OPN3: variants seen among roughly 807,000 people sequenced by gnomAD.
OPN3 encodes opsin 3.
A neutral mutation model predicts 33.8 loss-of-function variants in OPN3; 29 were observed. That is an observed-to-expected ratio of 0.86 (90% CI 0.64 to 1.17). OPN3 has a LOEUF of 1.17. Ranked by LOEUF, OPN3 falls within the 50% of genes most tolerant of loss-of-function variation. OPN3 has a pLI of 0.00. For missense variants in OPN3, 437 were observed against 514.1 expected (o/e 0.85, Z 1.45); for synonymous variants, 216 against 216.1 (o/e 1.00, Z 0.00).
At chr1:241,603,471 TG>T (rs1663733093) in intron 2 of OPN3, among the ~76,000 whole-genome samples, 1 of 147,846 alleles carries the variant, frequency 6.8e-6, no homozygotes, top group African/African-American at 2.6e-5. Flanking sequence ...AGATGTGTTT[TG>T]TTTTTTTTTT....
intron 1 of OPN3, among the ~76,000 whole-genome samples, chr1:241,616,612 A>T (rs1664137772): frequency 6.6e-6 from 1 of 152,068 alleles, no homozygotes; most frequent in Non-Finnish European, 1.5e-5. Flanking sequence ...GAATAGTACA[A>T]GGGATTATTA....
intron 3 of OPN3, among the ~76,000 whole-genome samples, chr1:241,597,333 T>C (rs985200929): frequency 6.6e-6 from 1 of 152,210 alleles, no homozygotes; most frequent in Non-Finnish European, 1.5e-5. Context: ...CTGAACTTAT[T>C]CATAACCCAT....
rs1378376365 is a variant in OPN3 at position 241,604,494 on chromosome 1, C to T, written c.459G>A (p.Trp153Ter). 1 of 1,614,060 alleles carries T rather than the reference C, an allele frequency of 6.2e-7. No homozygotes were observed. The highest frequency in any genetic ancestry group is 8.5e-7 in the Non-Finnish European group (1 of 1,180,010). ...AGATGTAGGTAATGGCCCTCCAGGC[C>T]CAGGAAAAATTGATCACTCTGGCAT... ...VVHARVINFS[W>*]AWRAITYIWL... The change falls in exon 2 of 4, where the codon TGG (tryptophan) becomes TGA (stop). Residue 153 changes from tryptophan (W) to a stop codon, truncating the protein, a stop_gained. Transcript: ENST00000366554. LOFTEE classifies it high-confidence loss of function.
chr1:241,617,022 TATA>T (rs1664150799), intron 1 of OPN3, among the ~76,000 whole-genome samples: 1 of 152,250 alleles, frequency 6.6e-6, no homozygotes, highest in African/African-American at 2.4e-5. Context: ...AATAATACAT[TATA>T]ATAACTTTAT....
At chr1:241,631,759 A>G (rs900801381) in intron 1 of OPN3, 2 of 152,074 alleles carry the variant, frequency 1.3e-5, no homozygotes, top group African/African-American at 4.8e-5. Context: ...TGTTTAGTTC[A>G]TCTTATCTTC....
intron 1 of OPN3, among the ~76,000 whole-genome samples, chr1:241,617,648 C>T (rs188817408): frequency 7.9e-5 from 12 of 152,258 alleles, no homozygotes; most frequent in Admixed American, 5.2e-4. Context: ...ACACAGAGGG[C>T]GAGTGCGACT....
intron 1 of OPN3, chr1:241,634,285 T>C (rs757288530): frequency 6.2e-7 from 1 of 1,613,962 alleles, no homozygotes; most frequent in South Asian, 1.1e-5. Flanking sequence ...TTGAAGAACA[T>C]AATTCTGTGA....
At chr1:241,606,146 G>T (rs1663823538) in intron 1 of OPN3, among the ~76,000 whole-genome samples, 1 of 152,160 alleles carries the variant, frequency 6.6e-6, no homozygotes, top group African/African-American at 2.4e-5. Context: ...TAAAAGGCAT[G>T]AACAACAAAG....
rs747740775 is a variant in OPN3 at position 241,594,679 on chromosome 1, G to C, written c.958C>G (p.Leu320Val). Reference protein sequence around the residue: ...VFMIRKFRRSLLQLLCLRLLR... With the variant: ...VFMIRKFRRSVLQLLCLRLLR... ...AGTCGGAGGCACAGAAGCTGCAAAA[G>C]GGATCTTCGAAACTGGGCAGAGAAA... The change falls in exon 4 of 4, where the codon CTT becomes GTT. Residue 320 changes from leucine (L) to valine (V), a missense_variant. Physicochemically the swap from Leu to Val is conservative, Grantham distance 32. Transcript: ENST00000366554. 1.2e-5 allele frequency: 20 copies of C among 1,613,544 alleles called. No homozygotes were observed. Among genetic ancestry groups the C allele is most frequent in the Non-Finnish European group, 1.7e-5 (20 of 1,179,810 alleles).
intron 1 of OPN3, among the ~76,000 whole-genome samples, chr1:241,612,735 G>C (rs774910591): frequency 2.6e-5 from 4 of 152,090 alleles, no homozygotes; most frequent in African/African-American, 4.8e-5. Context: ...CAGGTCCTAC[G>C]TACCAGTGAA....
chr1:241,631,043 T>A (rs1044447716), intron 1 of OPN3: 2 of 152,064 alleles, frequency 1.3e-5, no homozygotes, highest in African/African-American at 4.8e-5. Flanking sequence ...CTGTCCTTCA[T>A]GATACATGGA....
chr1:241,636,179 T>C (rs144468398), intron 1 of OPN3: 117 of 403,958 alleles, frequency 2.9e-4, no homozygotes, highest in African/African-American at 2.2e-3. Flanking sequence ...TATTTGGACA[T>C]AAACCTCTAC....
chr1:241,611,444 C>T (rs891957532), intron 1 of OPN3, among the ~76,000 whole-genome samples: 1 of 144,892 alleles, frequency 6.9e-6, no homozygotes, highest in Non-Finnish European at 1.5e-5. Flanking sequence ...CTGTGGGAAG[C>T]AGGTACCACC....
chr1:241,634,589 C>T (rs766466619), intron 1 of OPN3: 1 of 1,613,776 alleles, frequency 6.2e-7, no homozygotes, highest in Non-Finnish European at 8.5e-7. Flanking sequence ...AAAAACTGCA[C>T]ACATCCTACA....
At chr1:241,624,123 A>G in intron 1 of OPN3, among the ~76,000 whole-genome samples, 1 of 149,000 alleles carries the variant, frequency 6.7e-6, no homozygotes, top group East Asian at 2.0e-4. Flanking sequence ...TCCCCACGCC[A>G]GGCCAGGCAC....
chr1:241,593,429 T>C lies in OPN3; in HGVS notation c.*999A>G, dbSNP rs1173447820. ...ATGAAGATGAAACACTAGAGTCATATAAGAAATAAAAATTGGGCAATAAAA... is the reference window on the plus strand; with the variant it reads ...ATGAAGATGAAACACTAGAGTCATACAAGAAATAAAAATTGGGCAATAAAA... On this transcript the variant is annotated 3_prime_UTR_variant, in exon 4 of 4. Coordinates refer to ENST00000366554, the MANE Select transcript of OPN3 (RefSeq NM_014322.3). 2.6e-6 allele frequency: 1 copy of C among 379,798 alleles called. No homozygotes were observed. The highest frequency in any genetic ancestry group is 2.5e-5 in the Admixed American group (1 of 39,678). The allele number at this position is 379,798 out of a possible 1,614,324, so 23.5% of individuals were successfully genotyped here. A position where few individuals can be genotyped will look rare whatever the true frequency, so the allele number is the denominator to read the frequency against.
At chr1:241,624,881 G>T (rs1465273819) in intron 1 of OPN3, among the ~76,000 whole-genome samples, 1 of 152,050 alleles carries the variant, frequency 6.6e-6, no homozygotes, top group Non-Finnish European at 1.5e-5. Flanking sequence ...GTGTGATCTT[G>T]GTCAAGCTCT....
chr1:241,594,717 A>G (rs1663445884), intron 3 of OPN3, 26 bp from the exon 4 acceptor site: 2 of 1,601,790 alleles, frequency 1.2e-6, no homozygotes. Flanking sequence ...ATAAAGTGGA[A>G]TATTAAGTAA....
In OPN3 at chr1:241,594,429, T is replaced by C; in HGVS notation, c.1208A>G (p.Ter403TrpextTer2). Residue 403 changes from the stop codon to tryptophan (W), a stop_lost, in exon 4 of 4, where the codon TAG (stop) becomes TGG (tryptophan). Coordinates refer to ENST00000366554, the MANE Select transcript of OPN3 (RefSeq NM_014322.3). ...KVDVIQVRPL[*>W] ...ATCTTTCGTTGCCATTCTTCATTCC[T>C]ACAAAGGACGAACTTGGATTACATC... The C allele has an allele frequency of 6.2e-7, 1 of 1,610,700 alleles. No individual in the cohort carries two copies. The highest frequency in any genetic ancestry group is 8.5e-7 in the Non-Finnish European group (1 of 1,177,336).
Sources: gnomAD v4.1 joint callset for allele counts (sites outside exome capture counted in the v4.1 genomes callset) on GRCh38, gnomAD v4.1.1 for gene constraint, MANE v1.5 for transcripts, NCBI Gene and HGNC (gene_info 2026-07-23, HGNC 2026-07-21) for gene names.